Variants in SUGCT observed in about 807,000 individuals in gnomAD.
The protein encoded by SUGCT is succinyl-CoA:glutarate CoA-transferase.
In SUGCT, 41 loss-of-function variants were observed where a neutral mutation model predicts 55.0. The ratio of observed to expected loss-of-function variants is 0.74; its 90% CI spans 0.58 to 0.97. The LOEUF (loss-of-function observed/expected upper bound fraction) is 0.97. Ranked by LOEUF, SUGCT falls within the 50% of genes least tolerant of loss-of-function variation. The probability of loss-of-function intolerance (pLI) is 0.00; values close to 1 mark genes in which losing one functional copy is unlikely to be tolerated. For missense variants in SUGCT, 568 were observed against 547.8 expected, an observed-to-expected ratio of 1.04 and a Z score of -0.37; for synonymous variants, 187 against 200.4, an observed-to-expected ratio of 0.93 and a Z score of 0.56.
the SUGCT span, among the ~76,000 whole-genome samples, chr7:40,871,517 C>T: frequency 6.6e-6 from 1 of 152,198 alleles, no homozygotes; most frequent in African/African-American, 2.4e-5. Context: ...CCATCTGAAC[C>T]TTGACCAAAT....
intron 8 of SUGCT, among the ~76,000 whole-genome samples, chr7:40,300,239 A>G (rs1794452997): frequency 6.6e-6 from 1 of 152,160 alleles, no homozygotes; most frequent in African/African-American, 2.4e-5. Context: ...GGTTAGTGCT[A>G]TTTTGTAAAC....
At chr7:40,397,872 T>A (rs1664622170) in intron 9 of SUGCT, among the ~76,000 whole-genome samples, 1 of 152,110 alleles carries the variant, frequency 6.6e-6, no homozygotes, top group Non-Finnish European at 1.5e-5. Flanking sequence ...TTTCCTTCTT[T>A]CCTTCTGAGA....
intron 9 of SUGCT, among the ~76,000 whole-genome samples, chr7:40,421,256 T>C (rs1787290353): frequency 6.6e-6 from 1 of 152,190 alleles, no homozygotes. Context: ...CTCTACCTTC[T>C]ACTTTCCACT....
chr7:40,875,973 G>A, the SUGCT span, among the ~76,000 whole-genome samples: 1 of 152,194 alleles, frequency 6.6e-6, no homozygotes, highest in Non-Finnish European at 1.5e-5. Context: ...ACAGAGAGAA[G>A]CTTTGGAATG....
intron 12 of SUGCT, among the ~76,000 whole-genome samples, chr7:40,741,429 A>C (rs924782616): frequency 1.3e-5 from 2 of 152,242 alleles, no homozygotes; most frequent in Non-Finnish European, 2.9e-5. Flanking sequence ...AGCTTTAATA[A>C]GATACCATTT....
intron 9 of SUGCT, among the ~76,000 whole-genome samples, chr7:40,419,743 C>A (rs559989699): frequency 6.6e-6 from 1 of 152,274 alleles, no homozygotes; most frequent in East Asian, 1.9e-4. Context: ...TGGTTCTATT[C>A]ATTGACTTGG....
intron 12 of SUGCT, among the ~76,000 whole-genome samples, chr7:40,650,329 G>A (rs1206390293): frequency 6.6e-6 from 1 of 152,124 alleles, no homozygotes; most frequent in Non-Finnish European, 1.5e-5. Flanking sequence ...GCTCAAAGGG[G>A]GGGATTACAC....
intron 9 of SUGCT, among the ~76,000 whole-genome samples, chr7:40,331,460 A>T (rs1162019173): frequency 1.3e-5 from 2 of 152,172 alleles, no homozygotes; most frequent in Non-Finnish European, 2.9e-5. Context: ...TCATGTATAA[A>T]ATAGGTATAT....
intron 6 of SUGCT, 80 bp from the exon 7 acceptor site, chr7:40,237,555 A>C: frequency 9.4e-7 from 1 of 1,059,326 alleles, no homozygotes; most frequent in Non-Finnish European, 1.5e-6. Flanking sequence ...CTGGATACAA[A>C]TGTTTCTAAC....
chr7:41,001,749 C>T, the SUGCT span, among the ~76,000 whole-genome samples: 1 of 152,278 alleles, frequency 6.6e-6, no homozygotes, highest in South Asian at 2.1e-4. Flanking sequence ...ACAATTACTT[C>T]CTAACAACTC....
intron 12 of SUGCT, among the ~76,000 whole-genome samples, chr7:40,682,127 G>A (rs1008630684): frequency 2.0e-5 from 3 of 152,290 alleles, no homozygotes; most frequent in South Asian, 4.1e-4. Flanking sequence ...TTCCCTTGAA[G>A]GAGCTCAGGA....
chr7:40,968,033 A>G, the SUGCT span: 1 of 152,154 alleles, frequency 6.6e-6, no homozygotes, highest in Non-Finnish European at 1.5e-5. Flanking sequence ...ATTTCTATGT[A>G]CCCATCCATT....
At chr7:40,395,437 C>T (rs1381660613) in intron 9 of SUGCT, among the ~76,000 whole-genome samples, 2 of 140,748 alleles carry the variant, frequency 1.4e-5, no homozygotes, top group African/African-American at 2.7e-5. Flanking sequence ...TGCAGTGAGC[C>T]GAGATCCTGC....
At chr7:41,015,274 C>T in the SUGCT span, among the ~76,000 whole-genome samples, 33 of 152,088 alleles carry the variant, frequency 2.2e-4, no homozygotes, top group Admixed American at 3.9e-4. Flanking sequence ...GGTTAGTTGA[C>T]GGTGGTGATG....
chr7:40,731,414 G>T (rs1478986420), intron 12 of SUGCT, among the ~76,000 whole-genome samples: 1 of 152,082 alleles, frequency 6.6e-6, no homozygotes, highest in Non-Finnish European at 1.5e-5. Flanking sequence ...TGAAATACCT[G>T]TTCCTCATCT....
At chr7:40,399,169 G>A (rs866995526) in intron 9 of SUGCT, among the ~76,000 whole-genome samples, 3 of 152,046 alleles carry the variant, frequency 2.0e-5, no homozygotes, top group Admixed American at 6.6e-5. Flanking sequence ...TTAACTTGTG[G>A]CAGGATGGTA....
intron 12 of SUGCT, among the ~76,000 whole-genome samples, chr7:40,617,017 T>C (rs1404231326): frequency 1.3e-5 from 2 of 152,368 alleles, no homozygotes; most frequent in African/African-American, 2.4e-5. Flanking sequence ...TTTTTCATAC[T>C]GTGCCACAAG....
Position 40,135,022 on chromosome 7 carries a change from T to TGCTGGCGAC in SUGCT, c.11_19dup (p.Thr4_Ala6dup). On this transcript the variant is annotated inframe_insertion, in exon 1 of 14. Transcript: ENST00000335693. Reference sequence around the variant, plus strand: ...CCGATGCCATCTGAGACGCACGCGATGCTGGCGACGCTGGCGAGGGTGGCA... The same window carrying TGCTGGCGAC: ...CCGATGCCATCTGAGACGCACGCGATGCTGGCGACGCTGGCGACGCTGGCGAGGGTGGCA... 1.9e-6 allele frequency: 3 copies of TGCTGGCGAC among 1,560,778 alleles called. No homozygotes were observed. The highest frequency in any genetic ancestry group is 2.6e-6 in the Non-Finnish European group (3 of 1,154,162).
intron 13 of SUGCT, among the ~76,000 whole-genome samples, chr7:40,848,263 TACCTGGC>T (rs112291991): frequency 0.22 from 32,840 of 151,974 alleles, 4,642 homozygotes; most frequent in East Asian, 0.79. Flanking sequence ...AATGTAGATT[TACCTGGC>T]ACTAACTAAA....
Sources: gnomAD v4.1 joint callset for allele counts (sites outside exome capture counted in the v4.1 genomes callset) on GRCh38, gnomAD v4.1.1 for gene constraint, MANE v1.5 for transcripts, NCBI Gene and HGNC (gene_info 2026-07-23, HGNC 2026-07-21) for gene names.